PIGU: variants seen among roughly 807,000 people sequenced by gnomAD.
PIGU encodes the protein phosphatidylinositol glycan anchor biosynthesis class U.
A neutral mutation model predicts 49.9 loss-of-function variants in PIGU; 24 were observed. The observed-to-expected ratio is 0.48, with a 90% CI of 0.35 to 0.68. The LOEUF (loss-of-function observed/expected upper bound fraction) is 0.68, where lower values mean the gene tolerates loss of function less well. Among genes scored for constraint, PIGU ranks in the 30% least tolerant of loss-of-function variants. PIGU has a pLI of 0.01. For missense variants in PIGU, 490 were observed against 532.6 expected, an observed-to-expected ratio of 0.92 and a Z score of 0.79; for synonymous variants, 220 against 205.7, an observed-to-expected ratio of 1.07 and a Z score of -0.59.
chr20:34,614,652 T>A (rs1341339430), intron 7 of PIGU, among the ~76,000 whole-genome samples: 1 of 151,520 alleles, frequency 6.6e-6, no homozygotes, highest in Non-Finnish European at 1.5e-5. Flanking sequence ...AATTTCTACG[T>A]TATTTATATT....
At chr20:34,665,083 T>A (rs1211573624) in intron 1 of PIGU, among the ~76,000 whole-genome samples, 3 of 151,710 alleles carry the variant, frequency 2.0e-5, no homozygotes, top group African/African-American at 7.2e-5. Flanking sequence ...TAGAGTGCAG[T>A]GGCATGATCT....
At chr20:34,620,356 C>T (rs936962344) in intron 6 of PIGU, among the ~76,000 whole-genome samples, 3 of 152,216 alleles carry the variant, frequency 2.0e-5, no homozygotes, top group African/African-American at 7.2e-5. Flanking sequence ...AGCCATCCTT[C>T]TCTGCCCGCT....
intron 1 of PIGU, among the ~76,000 whole-genome samples, chr20:34,660,589 A>T (rs1986900721): frequency 6.6e-6 from 1 of 152,248 alleles, no homozygotes; most frequent in Non-Finnish European, 1.5e-5. Context: ...CTTCTCAAAA[A>T]GCAAACAAAC....
chr20:34,674,331 G>A (rs1987421347), intron 1 of PIGU, among the ~76,000 whole-genome samples: 1 of 151,868 alleles, frequency 6.6e-6, no homozygotes, highest in African/African-American at 2.4e-5. Context: ...CTCCAGCCTG[G>A]GCAACAAGAG....
chr20:34,573,118 T>C (rs889024850), intron 11 of PIGU, among the ~76,000 whole-genome samples: 1 of 152,206 alleles, frequency 6.6e-6, no homozygotes, highest in African/African-American at 2.4e-5. Context: ...CTCAAAGAGC[T>C]GGGATCACAT....
At chr20:34,567,280 T>C (rs543179762) in intron 11 of PIGU, among the ~76,000 whole-genome samples, 4 of 152,308 alleles carry the variant, frequency 2.6e-5, no homozygotes, top group African/African-American at 9.6e-5. Context: ...GCGGACATTA[T>C]GTAGGAGGAA....
At chr20:34,672,340 T>G (rs994339311) in intron 1 of PIGU, among the ~76,000 whole-genome samples, 20 of 152,190 alleles carry the variant, frequency 1.3e-4, no homozygotes, top group African/African-American at 4.8e-4. Context: ...ATGGATATGT[T>G]ATTTGTGCCT....
intron 4 of PIGU, among the ~76,000 whole-genome samples, chr20:34,642,744 CTTTTTTTTT>C (rs946911419): frequency 6.6e-5 from 6 of 91,156 alleles, no homozygotes; most frequent in South Asian, 3.5e-4. Context: ...TTTCCCTAGT[CTTTTTTTTT>C]TTTTTTTTTT....
At chr20:34,583,873 C>T (rs1407784639) in intron 9 of PIGU, among the ~76,000 whole-genome samples, 1 of 152,238 alleles carries the variant, frequency 6.6e-6, no homozygotes, top group African/African-American at 2.4e-5. Flanking sequence ...TGCATTGGTG[C>T]ACAGACCATG....
chr20:34,579,754 C>T (rs571363880), intron 10 of PIGU, among the ~76,000 whole-genome samples: 2 of 152,166 alleles, frequency 1.3e-5, no homozygotes, highest in African/African-American at 2.4e-5. Context: ...TTTCTGGAAA[C>T]CCCATCCTTC....
At chr20:34,662,093 G>C (rs974260194) in intron 1 of PIGU, among the ~76,000 whole-genome samples, 2 of 152,078 alleles carry the variant, frequency 1.3e-5, no homozygotes, top group Non-Finnish European at 2.9e-5. Flanking sequence ...GTTTTTCCAA[G>C]ACAGGTTCTC....
chr20:34,579,485 A>G (rs949186672), intron 10 of PIGU: 1 of 152,268 alleles, frequency 6.6e-6, no homozygotes, highest in African/African-American at 2.4e-5. Flanking sequence ...CATTAAATAT[A>G]TTCAACGTAG....
At chr20:34,674,540 C>T (rs188222200) in intron 1 of PIGU, among the ~76,000 whole-genome samples, 42 of 152,218 alleles carry the variant, frequency 2.8e-4, no homozygotes, top group Non-Finnish European at 3.1e-4. Flanking sequence ...TCTTCTCTTC[C>T]ACATTTATTC....
At chr20:34,578,953 T>A (rs1186031995) in intron 10 of PIGU, 1 of 152,152 alleles carries the variant, frequency 6.6e-6, no homozygotes, top group African/African-American at 2.4e-5. Context: ...GCACCATGAT[T>A]GATGAACTGG....
intron 1 of PIGU, among the ~76,000 whole-genome samples, chr20:34,672,040 G>C (rs961555999): frequency 3.3e-5 from 5 of 152,260 alleles, no homozygotes; most frequent in African/African-American, 1.2e-4. Context: ...CCGGGCCCAT[G>C]CAATCCTCCT....
rs564262750 is a variant in PIGU at position 34,577,049 on chromosome 20, TC to T, written c.1052-1804del. On this transcript the variant is annotated intron_variant, in intron 10 of 11. Transcript: ENST00000217446. ...ACCCTGCCTACCACACTGTACTTTT[TC>T]CCCCGTTTTAACTCTCTAGGGGTTA... Among the ~76,000 whole-genome samples, 869 of 152,292 alleles carry T rather than the reference TC, an allele frequency of 5.7e-3. 10 individuals are homozygous for T. Among genetic ancestry groups the T allele is most frequent in the African/African-American group, 0.02 (829 of 41,562 alleles).
At chr20:34,611,549 G>A (rs1377755017) in intron 7 of PIGU, among the ~76,000 whole-genome samples, 3 of 150,924 alleles carry the variant, frequency 2.0e-5, no homozygotes, top group Non-Finnish European at 2.9e-5. Context: ...GGGAGGCTGA[G>A]GCAGGAGAAT....
At chr20:34,589,493 C>A (rs754579293) in intron 7 of PIGU, among the ~76,000 whole-genome samples, 2 of 152,042 alleles carry the variant, frequency 1.3e-5, no homozygotes, top group East Asian at 1.9e-4. Flanking sequence ...GCTGGGACTG[C>A]AGGTGCGCAC....
At chr20:34,661,855 T>G (rs954923922) in intron 1 of PIGU, among the ~76,000 whole-genome samples, 4 of 152,188 alleles carry the variant, frequency 2.6e-5, no homozygotes, top group African/African-American at 9.7e-5. Flanking sequence ...TGTTTCCTTT[T>G]CTCCACAACC....
Sources: gnomAD v4.1 joint callset for allele counts (sites outside exome capture counted in the v4.1 genomes callset) on GRCh38, gnomAD v4.1.1 for gene constraint, MANE v1.5 for transcripts, NCBI Gene and HGNC (gene_info 2026-07-23, HGNC 2026-07-21) for gene names.